Variants in RGS6 observed in about 807,000 individuals in gnomAD.
RGS6 encodes the protein regulator of G protein signaling 6, also known as regulator of G-protein signaling 6.
RGS6 carries 30 observed loss-of-function variants against 78.5 expected under a neutral mutation model. That is an observed-to-expected ratio of 0.38 (90% CI 0.29 to 0.52). The LOEUF is 0.52. RGS6 is among the 20% of genes least tolerant of loss of function. RGS6 has a pLI of 0.85. For missense variants in RGS6, 495 were observed against 609.7 expected (o/e 0.81, Z 1.98); for synonymous variants, 206 against 206.0 (o/e 1.00, Z 0.00).
At chr14:72,292,144 G>A (rs2063699044) in intron 2 of RGS6, among the ~76,000 whole-genome samples, 1 of 152,184 alleles carries the variant, frequency 6.6e-6, no homozygotes, top group Non-Finnish European at 1.5e-5. Context: ...CGCAGAGCCT[G>A]CCTTCCCCAG....
intron 2 of RGS6, among the ~76,000 whole-genome samples, chr14:72,242,783 C>G (rs1364489808): frequency 7.0e-6 from 1 of 142,384 alleles, no homozygotes; most frequent in Admixed American, 7.0e-5. Context: ...TTGTGATTTT[C>G]AAAAATTTTT....
At chr14:71,937,925 T>G (rs894161572) in intron 1 of RGS6, among the ~76,000 whole-genome samples, 4 of 152,198 alleles carry the variant, frequency 2.6e-5, no homozygotes, top group African/African-American at 9.7e-5. Flanking sequence ...TCTCTGCTGC[T>G]GGCAATTTGG....
At chr14:72,465,586 A>T (rs1344822944) in intron 6 of RGS6, among the ~76,000 whole-genome samples, 172 bp from the exon 7 acceptor site, 86 of 147,456 alleles carry the variant, frequency 5.8e-4, no homozygotes, top group African/African-American at 2.1e-3. Flanking sequence ...GGATGGATGG[A>T]TGGATGGATG....
the RGS6 span, among the ~76,000 whole-genome samples, chr14:71,913,377 G>A: frequency 6.6e-6 from 1 of 152,300 alleles, no homozygotes; most frequent in South Asian, 2.1e-4. Context: ...CCTGGAAGCT[G>A]CACTCCCCAG....
At chr14:71,885,378 T>A in the RGS6 span, among the ~76,000 whole-genome samples, 1 of 152,236 alleles carries the variant, frequency 6.6e-6, no homozygotes, top group East Asian at 1.9e-4. Flanking sequence ...TAAAGACATG[T>A]GACATTAATT....
chr14:72,026,263 C>T (rs11850119), intron 2 of RGS6, among the ~76,000 whole-genome samples: 6,607 of 151,956 alleles, frequency 0.043, 175 homozygotes, highest in African/African-American at 0.076. Context: ...GAAAATTAGC[C>T]GGGCATGGTG....
At chr14:72,579,040 C>T in the RGS6 span, among the ~76,000 whole-genome samples, 2 of 152,156 alleles carry the variant, frequency 1.3e-5, no homozygotes, top group Admixed American at 1.3e-4. Context: ...AGCCTATGCT[C>T]CTGTCTCACC....
intron 13 of RGS6, among the ~76,000 whole-genome samples, chr14:72,506,776 T>C (rs917486706): frequency 6.6e-6 from 1 of 152,088 alleles, no homozygotes; most frequent in African/African-American, 2.4e-5. Flanking sequence ...AATAGAGTTG[T>C]TGCAGATGCA....
chr14:72,617,162 T>G, the RGS6 span, among the ~76,000 whole-genome samples: 1 of 152,222 alleles, frequency 6.6e-6, no homozygotes. Flanking sequence ...CCTGCACTTC[T>G]GTGGAAAACA....
chr14:71,990,488 C>T (rs755786565), intron 2 of RGS6: 1 of 403,032 alleles, frequency 2.5e-6, no homozygotes, highest in Non-Finnish European at 5.0e-6. Context: ...TTAACCAGGA[C>T]AGCTGCTCAC....
chr14:72,594,823 G>A, the RGS6 span: 3 of 152,188 alleles, frequency 2.0e-5, no homozygotes, highest in African/African-American at 4.8e-5. Flanking sequence ...TTGCTTTCTC[G>A]GGTGAGGGAT....
chr14:72,421,749 C>A (rs770849548), intron 3 of RGS6: 9 of 152,232 alleles, frequency 5.9e-5, no homozygotes, highest in Non-Finnish European at 8.8e-5. Context: ...GTATATTGTT[C>A]CTGGGCAGTT....
chr14:71,944,667 C>T (rs2091214703), intron 1 of RGS6, among the ~76,000 whole-genome samples: 1 of 152,098 alleles, frequency 6.6e-6, no homozygotes, highest in Non-Finnish European at 1.5e-5. Context: ...AAGAGACAGG[C>T]TTCAGGAAAT....
intron 2 of RGS6, among the ~76,000 whole-genome samples, chr14:72,126,164 C>T (rs1310633009): frequency 6.6e-6 from 1 of 152,182 alleles, no homozygotes; most frequent in Non-Finnish European, 1.5e-5. Context: ...GCTCTTTCTT[C>T]TTAGCTTTCC....
At chr14:71,987,301 A>T (rs1355564991) in intron 2 of RGS6, among the ~76,000 whole-genome samples, 1 of 152,130 alleles carries the variant, frequency 6.6e-6, no homozygotes, top group Admixed American at 6.5e-5. Context: ...ATTGGAGGGC[A>T]GAAAAGAGGA....
chr14:72,214,182 T>TC (rs2044949873), intron 2 of RGS6, among the ~76,000 whole-genome samples: 1 of 151,392 alleles, frequency 6.6e-6, no homozygotes, highest in Non-Finnish European at 1.5e-5. Context: ...TTCTTATTTT[T>TC]TTTTTTTTTT....
intron 3 of RGS6, among the ~76,000 whole-genome samples, chr14:72,436,487 A>G (rs1174472447): frequency 1.3e-5 from 2 of 152,186 alleles, no homozygotes; most frequent in Non-Finnish European, 2.9e-5. Context: ...GGCTCTGCCT[A>G]TACACTGAGC....
At chr14:71,997,849 G>A (rs1319342796) in intron 2 of RGS6, among the ~76,000 whole-genome samples, 1 of 152,210 alleles carries the variant, frequency 6.6e-6, no homozygotes, top group African/African-American at 2.4e-5. Flanking sequence ...ATCAGTTAGA[G>A]TTCAGTACAA....
intron 14 of RGS6, among the ~76,000 whole-genome samples, chr14:72,514,599 A>G (rs1161911471): frequency 1.3e-5 from 2 of 152,224 alleles, no homozygotes; most frequent in Non-Finnish European, 1.5e-5. Context: ...TTTCTAAGTC[A>G]TGAACACGGA....
Sources: gnomAD v4.1 joint callset for allele counts (sites outside exome capture counted in the v4.1 genomes callset) on GRCh38, gnomAD v4.1.1 for gene constraint, MANE v1.5 for transcripts, NCBI Gene and HGNC (gene_info 2026-07-23, HGNC 2026-07-21) for gene names.